PUS10: variants seen among roughly 807,000 people sequenced by gnomAD.
PUS10 encodes the protein tRNA pseudouridine synthase Pus10.
Under a neutral mutation model 75.0 loss-of-function variants are expected in PUS10, and 59 were observed. The observed-to-expected ratio is 0.79, with a 90% CI of 0.64 to 0.98. The LOEUF (loss-of-function observed/expected upper bound fraction) is 0.98. Among genes scored for constraint, PUS10 ranks in the 50% least tolerant of loss-of-function variants. PUS10 has a pLI of 0.00. For synonymous variants in PUS10, 219 were observed against 211.6 expected, an observed-to-expected ratio of 1.03 and a Z score of -0.30; for missense variants, 650 against 614.4, an observed-to-expected ratio of 1.06 and a Z score of -0.61.
At chr2:61,007,672 G>C (rs1476384093) in intron 3 of PUS10, among the ~76,000 whole-genome samples, 1 of 150,068 alleles carries the variant, frequency 6.7e-6, no homozygotes, top group East Asian at 2.0e-4. Context: ...AGGAGGCTGA[G>C]GCAAGAGAAT....
chr2:60,955,774 A>C (rs1382464682), intron 11 of PUS10, among the ~76,000 whole-genome samples: 57 of 152,170 alleles, frequency 3.7e-4, no homozygotes, highest in Non-Finnish European at 1.5e-5. Flanking sequence ...TCCAACCTTA[A>C]CTACCATCCC....
intron 6 of PUS10, 163 bp from the exon 7 acceptor site, chr2:60,965,647 G>A: frequency 2.0e-6 from 1 of 497,980 alleles, no homozygotes. Flanking sequence ...CAGGGCAGCT[G>A]TAAAGGAAAT....
At chr2:60,997,932 G>T (rs1678588340) in intron 4 of PUS10, among the ~76,000 whole-genome samples, 1 of 152,126 alleles carries the variant, frequency 6.6e-6, no homozygotes. Context: ...ACAGATTTAG[G>T]AAGAGTGCCT....
Position 61,018,146 on chromosome 2 carries a change from G to A in PUS10, c.-154C>T. On this transcript the variant is annotated 5_prime_UTR_variant, in exon 1 of 18. Transcript: ENST00000316752. ...GGGCGGCTTCCTACCTACCGCTTCT[G>A]TTTTCACTTTGACAGAATGGCTTCT... 3 of 1,550,404 alleles carry A rather than the reference G, an allele frequency of 1.9e-6. No homozygotes were observed. Among genetic ancestry groups the A allele is most frequent in the South Asian group, 2.4e-5 (2 of 84,032 alleles).
intron 4 of PUS10, among the ~76,000 whole-genome samples, chr2:60,993,013 G>T (rs933868251): frequency 1.3e-5 from 2 of 152,164 alleles, no homozygotes; most frequent in African/African-American, 4.8e-5. Flanking sequence ...GAGCACTCTT[G>T]CCCTGGCTCT....
At chr2:60,967,018 G>A (rs184360398) in intron 6 of PUS10, 1 of 153,172 alleles carries the variant, frequency 6.5e-6, no homozygotes, top group East Asian at 1.9e-4. Context: ...GTTTTCAAAG[G>A]CAGTTACTGC....
chr2:60,998,282 G>T (rs1678612617), intron 4 of PUS10, among the ~76,000 whole-genome samples: 1 of 152,120 alleles, frequency 6.6e-6, no homozygotes. Context: ...TAGGACAAAG[G>T]AATTCACTGC....
intron 5 of PUS10, among the ~76,000 whole-genome samples, chr2:60,968,986 T>C (rs1435794170): frequency 6.6e-6 from 1 of 152,148 alleles, no homozygotes; most frequent in Non-Finnish European, 1.5e-5. Context: ...CAAAATAGCA[T>C]CACAGTTGAA....
intron 4 of PUS10, among the ~76,000 whole-genome samples, chr2:60,997,314 A>G (rs932706911): frequency 3.9e-5 from 6 of 152,224 alleles, no homozygotes; most frequent in Admixed American, 2.6e-4. Context: ...TTTAACTTTT[A>G]AAAGGACTTA....
intron 4 of PUS10, 137 bp downstream of exon 4, chr2:61,006,420 T>C (rs2104691043): frequency 4.7e-6 from 3 of 643,226 alleles, no homozygotes; most frequent in Admixed American, 3.2e-5. Context: ...TAAGCAGCTA[T>C]AAATTGCTTC....
intron 4 of PUS10, among the ~76,000 whole-genome samples, chr2:60,988,063 T>G (rs1677835602): frequency 6.6e-6 from 1 of 152,056 alleles, no homozygotes; most frequent in Admixed American, 6.5e-5. Context: ...CACTCCAGCC[T>G]GGGTGAGAGA....
intron 4 of PUS10, among the ~76,000 whole-genome samples, chr2:61,004,149 A>G (rs1285485235): frequency 6.6e-6 from 1 of 152,230 alleles, no homozygotes; most frequent in Non-Finnish European, 1.5e-5. Context: ...AATGTAGAAC[A>G]TGGCACTAGA....
rs1680114069 is a variant in PUS10, at chr2:61,017,844, A to G, written c.-16+164T>C. 1.3e-6 allele frequency: 2 copies of G among 1,550,394 alleles called. No individual in the cohort carries two copies. Among genetic ancestry groups the G allele is most frequent in the Middle Eastern group, 3.3e-4 (2 of 5,982 alleles). ...CGGACCGGGACCAGGACCGGGCCCC[A>G]CTTTCCAGTGAGTGTGGGATTCTTC... is the stretch of plus-strand genomic sequence containing the variant. On this transcript the variant is annotated intron_variant, in intron 1 of 17. Transcript: ENST00000316752.
At chr2:60,983,770 A>G (rs1162719154) in intron 4 of PUS10, among the ~76,000 whole-genome samples, 2 of 152,144 alleles carry the variant, frequency 1.3e-5, no homozygotes, top group African/African-American at 4.8e-5. Flanking sequence ...ACCTAAATAT[A>G]CTGTATATAT....
intron 17 of PUS10, among the ~76,000 whole-genome samples, chr2:60,942,904 G>A (rs771672187): frequency 6.6e-6 from 1 of 151,878 alleles, no homozygotes; most frequent in Non-Finnish European, 1.5e-5. Flanking sequence ...GGTGGCACAC[G>A]CCTGTAGTCC....
At chr2:60,986,847 C>A (rs759592543) in intron 4 of PUS10, among the ~76,000 whole-genome samples, 1 of 152,150 alleles carries the variant, frequency 6.6e-6, no homozygotes, top group Non-Finnish European at 1.5e-5. Context: ...TCCTACTTAG[C>A]CAGCAAGTGA....
intron 11 of PUS10, among the ~76,000 whole-genome samples, chr2:60,959,852 C>T (rs1383135613): frequency 6.6e-6 from 1 of 152,068 alleles, no homozygotes; most frequent in African/African-American, 2.4e-5. Flanking sequence ...TCTTTCCTGC[C>T]ACCCCCAAGA....
chr2:60,987,134 T>C (rs6708946), intron 4 of PUS10, among the ~76,000 whole-genome samples: 128 of 152,362 alleles, frequency 8.4e-4, no homozygotes, highest in African/African-American at 3.0e-3. Flanking sequence ...TGATATGATA[T>C]TTATCAAAAT....
chr2:60,942,534 G>A (rs1054512197), intron 17 of PUS10, 101 bp from the exon 18 acceptor site: 7 of 886,678 alleles, frequency 7.9e-6, no homozygotes, highest in Non-Finnish European at 1.1e-5. Context: ...TAGTGCAACA[G>A]AAGAAACTGC....
Sources: gnomAD v4.1 joint callset for allele counts (sites outside exome capture counted in the v4.1 genomes callset) on GRCh38, gnomAD v4.1.1 for gene constraint, MANE v1.5 for transcripts, NCBI Gene and HGNC (gene_info 2026-07-23, HGNC 2026-07-21) for gene names.